Variants in CHST8 observed in about 807,000 individuals in gnomAD.
CHST8 encodes the protein GALNAC-4-ST1.
A neutral mutation model predicts 15.0 loss-of-function variants in CHST8; 10 were observed. That is an observed-to-expected ratio of 0.67 (90% CI 0.41 to 1.13). The LOEUF (loss-of-function observed/expected upper bound fraction) is 1.13. Among genes scored for constraint, CHST8 ranks in the 50% most tolerant of loss-of-function variants. The pLI, the probability that CHST8 is intolerant of heterozygous loss-of-function variation, is 0.00. For missense variants in CHST8, 634 were observed against 608.2 expected (o/e 1.04, Z -0.45); for synonymous variants, 259 against 256.6 (o/e 1.01, Z -0.09).
At chr19:33,717,108 C>A (rs1973678739) in intron 3 of CHST8, among the ~76,000 whole-genome samples, 1 of 152,144 alleles carries the variant, frequency 6.6e-6, no homozygotes, top group Non-Finnish European at 1.5e-5. Context: ...GCTCTTGACA[C>A]CCTTGCAAGA....
At chr19:33,675,543 G>A (rs547537568) in intron 2 of CHST8, among the ~76,000 whole-genome samples, 85 of 152,196 alleles carry the variant, frequency 5.6e-4, no homozygotes, top group Admixed American at 1.2e-3. Flanking sequence ...TGTCCAATGC[G>A]TGGTCTCACA....
At position 33,772,122 on chromosome 19, in the gene CHST8, C is replaced by G; in HGVS notation, c.334C>G (p.Arg112Gly). 1.2e-6 allele frequency: 2 copies of G among 1,610,442 alleles called. No individual in the cohort carries two copies. Among genetic ancestry groups the G allele is most frequent in the Non-Finnish European group, 1.7e-6 (2 of 1,178,852 alleles). The change falls in exon 5 of 5, where the codon CGC (arginine) becomes GGC (glycine). Residue 112 changes from arginine to glycine, a missense_variant. Transcript: ENST00000650847. ...CCGTCTGCGGCTCCGCCAGCGCCGT[C>G]GCCGTCTGCTCATCAAGAAAATGCC... ...GTRLRLRQRR[R>G]RLLIKKMPAA...
intron 2 of CHST8, among the ~76,000 whole-genome samples, chr19:33,688,914 A>G (rs1218406010): frequency 6.6e-6 from 1 of 152,134 alleles, no homozygotes; most frequent in East Asian, 1.9e-4. Context: ...TCCCCAAGGC[A>G]GGGCCAGAGG....
intron 3 of CHST8, among the ~76,000 whole-genome samples, chr19:33,728,549 G>A (rs1185765653): frequency 1.3e-5 from 2 of 152,256 alleles, no homozygotes; most frequent in South Asian, 2.1e-4. Context: ...ATGCCCTGCA[G>A]GCCTCACACA....
At chr19:33,669,007 A>G (rs1972699497) in intron 2 of CHST8, among the ~76,000 whole-genome samples, 1 of 152,124 alleles carries the variant, frequency 6.6e-6, no homozygotes, top group South Asian at 2.1e-4. Flanking sequence ...TTGCATCCTT[A>G]GTTTTATCCT....
chr19:33,726,522 A>G (rs1973902784), intron 3 of CHST8, among the ~76,000 whole-genome samples: 1 of 152,160 alleles, frequency 6.6e-6, no homozygotes, highest in Non-Finnish European at 1.5e-5. Flanking sequence ...TGGGTGACAG[A>G]GCAAGACCCT....
intron 1 of CHST8, among the ~76,000 whole-genome samples, chr19:33,647,633 G>A (rs948053701): frequency 1.3e-5 from 2 of 151,990 alleles, no homozygotes; most frequent in Non-Finnish European, 2.9e-5. Flanking sequence ...ATCGCTTGAG[G>A]ACAGGAGTTC....
chr19:33,689,917 A>G (rs559342489), intron 3 of CHST8, among the ~76,000 whole-genome samples: 1 of 152,276 alleles, frequency 6.6e-6, no homozygotes, highest in East Asian at 1.9e-4. Context: ...CCTGCCTGGT[A>G]GCCCACTGGA....
chr19:33,631,109 G>A (rs1192171116), intron 1 of CHST8, among the ~76,000 whole-genome samples: 3 of 152,310 alleles, frequency 2.0e-5, no homozygotes, highest in East Asian at 3.9e-4. Context: ...AAAAGCCGGC[G>A]CTGTCTATGC....
chr19:33,754,627 G>A (rs1397698503), intron 3 of CHST8, among the ~76,000 whole-genome samples: 2 of 152,226 alleles, frequency 1.3e-5, no homozygotes, highest in East Asian at 1.9e-4. Context: ...CCAGGGTGCT[G>A]TGTGGCAGCC....
At chr19:33,736,807 A>G (rs1568348521) in intron 3 of CHST8, among the ~76,000 whole-genome samples, 2 of 152,128 alleles carry the variant, frequency 1.3e-5, no homozygotes, top group Admixed American at 6.5e-5. Flanking sequence ...TGTCCCCAAC[A>G]TTCATGAAGG....
Position 33,652,393 on chromosome 19 carries a change from T to TTG in CHST8, c.-163-15374_-163-15373insTG, listed in dbSNP as rs1491474033. On this transcript the variant is annotated intron_variant, in intron 1 of 4. Transcript: ENST00000650847. ...CTCTCTTTTTTTTTTTTTTTTTTTT[T>TTG]GAGACAGCTTCTTGCTCTGTCATCC... Among the ~76,000 whole-genome samples, 206 of 145,422 alleles carry TTG rather than the reference T, an allele frequency of 1.4e-3. 4 individuals are homozygous for TTG. In the East Asian group the frequency reaches 0.02, roughly 14 times the overall value.
At chr19:33,694,093 C>CATAT (rs3040787) in intron 3 of CHST8, among the ~76,000 whole-genome samples, 1,035 of 31,224 alleles carry the variant, frequency 0.033, 134 homozygotes, top group African/African-American at 0.051. Context: ...GTAGTTTATT[C>CATAT]ATATATATAT....
chr19:33,708,869 G>A (rs960969551), intron 3 of CHST8, among the ~76,000 whole-genome samples: 6 of 152,154 alleles, frequency 3.9e-5, no homozygotes, highest in African/African-American at 1.4e-4. Flanking sequence ...AACGTGGAAT[G>A]TCTCTCCACT....
At chr19:33,676,043 TTGTAG>T (rs1292032889) in intron 2 of CHST8, among the ~76,000 whole-genome samples, 16 of 151,944 alleles carry the variant, frequency 1.1e-4, no homozygotes, top group Non-Finnish European at 1.8e-4. Flanking sequence ...TCCTCTTTCA[TTGTAG>T]GAGGCTGAGG....
At chr19:33,682,926 G>A (rs528022055) in intron 2 of CHST8, among the ~76,000 whole-genome samples, 2 of 152,222 alleles carry the variant, frequency 1.3e-5, no homozygotes, top group South Asian at 4.1e-4. Context: ...GAAGCATGGT[G>A]TTGGCATCTG....
intron 3 of CHST8, among the ~76,000 whole-genome samples, chr19:33,758,973 G>T (rs1042577633): frequency 1.3e-5 from 2 of 152,156 alleles, no homozygotes; most frequent in Non-Finnish European, 2.9e-5. Flanking sequence ...GGGCAAGCGG[G>T]AGTGTGCGTG....
intron 3 of CHST8, among the ~76,000 whole-genome samples, chr19:33,763,937 G>A (rs930739329): frequency 4.6e-5 from 7 of 152,216 alleles, no homozygotes; most frequent in African/African-American, 1.7e-4. Context: ...ACTGTGGATG[G>A]TGAAAGGAGC....
At chr19:33,734,348 A>T (rs1481531266) in intron 3 of CHST8, among the ~76,000 whole-genome samples, 1 of 152,242 alleles carries the variant, frequency 6.6e-6, no homozygotes, top group South Asian at 2.1e-4. Context: ...AAAATGGGCA[A>T]TGAAGAATGG....
Sources: gnomAD v4.1 joint callset for allele counts (sites outside exome capture counted in the v4.1 genomes callset) on GRCh38, gnomAD v4.1.1 for gene constraint, MANE v1.5 for transcripts, NCBI Gene and HGNC (gene_info 2026-07-23, HGNC 2026-07-21) for gene names.